Variants in OSBPL10 observed in about 807,000 individuals in gnomAD.
OSBPL10 encodes oxysterol-binding protein-related protein 10.
Under a neutral mutation model 81.7 loss-of-function variants are expected in OSBPL10, and 49 were observed. The observed-to-expected ratio is 0.60, with a 90% CI of 0.48 to 0.76. The LOEUF is 0.76. Among genes scored for constraint, OSBPL10 ranks in the 30% least tolerant of loss-of-function variants. The pLI, the probability that OSBPL10 is intolerant of heterozygous loss-of-function variation, is 0.00. For missense variants in OSBPL10, 923 were observed against 987.8 expected, an observed-to-expected ratio of 0.93 and a Z score of 0.88; for synonymous variants, 419 against 383.6, an observed-to-expected ratio of 1.09 and a Z score of -1.08.
intron 8 of OSBPL10, among the ~76,000 whole-genome samples, chr3:31,675,830 C>A (rs1700456416): frequency 1.3e-5 from 2 of 151,554 alleles, no homozygotes; most frequent in African/African-American, 4.9e-5. Context: ...CCTGTAGTCC[C>A]AGCTACTCGG....
At chr3:31,918,507 G>T (rs1696820470) in intron 1 of OSBPL10, among the ~76,000 whole-genome samples, 1 of 126,364 alleles carries the variant, frequency 7.9e-6, no homozygotes, top group African/African-American at 2.5e-5. Context: ...TAAAGAGTTT[G>T]GAATGGAAAA....
intron 7 of OSBPL10, among the ~76,000 whole-genome samples, chr3:31,695,587 T>C (rs186386673): frequency 8.5e-5 from 13 of 152,312 alleles, no homozygotes; most frequent in African/African-American, 3.1e-4. Context: ...AAGAAAACCT[T>C]AACTCTGTTT....
intron 6 of OSBPL10, among the ~76,000 whole-genome samples, chr3:31,716,393 C>T (rs1440056882): frequency 6.6e-6 from 1 of 152,146 alleles, no homozygotes; most frequent in Non-Finnish European, 1.5e-5. Flanking sequence ...CTTTTTCATC[C>T]TGTATAGCAA....
At chr3:31,819,294 A>G (rs999972193) in intron 4 of OSBPL10, among the ~76,000 whole-genome samples, 1 of 152,332 alleles carries the variant, frequency 6.6e-6, no homozygotes, top group African/African-American at 2.4e-5. Flanking sequence ...AGTTTGACAC[A>G]TCTGGGAATC....
At chr3:31,851,475 T>C (rs1700763171) in intron 3 of OSBPL10, among the ~76,000 whole-genome samples, 1 of 152,164 alleles carries the variant, frequency 6.6e-6, no homozygotes, top group Non-Finnish European at 1.5e-5. Flanking sequence ...GAGGCGCCGC[T>C]GTCGGTCCAC....
At chr3:31,862,460 CAAATGCAACAGTA>C (rs1701079598) in intron 3 of OSBPL10, among the ~76,000 whole-genome samples, 1 of 151,862 alleles carries the variant, frequency 6.6e-6, no homozygotes, top group Admixed American at 6.6e-5. Context: ...CTATCATGAA[CAAATGCAACAGTA>C]AAATGTAATG....
intron 4 of OSBPL10, among the ~76,000 whole-genome samples, chr3:31,823,211 C>A (rs1700021577): frequency 6.6e-6 from 1 of 152,192 alleles, no homozygotes; most frequent in South Asian, 2.1e-4. Context: ...ATACAATCCA[C>A]ATAGTTACCT....
chr3:31,707,119 T>C (rs1295492473), intron 6 of OSBPL10: 2 of 152,226 alleles, frequency 1.3e-5, no homozygotes, highest in African/African-American at 4.8e-5. Context: ...ACTGGTTAGA[T>C]TTGAGATATC....
intron 4 of OSBPL10, among the ~76,000 whole-genome samples, chr3:31,772,189 C>T (rs991705997): frequency 6.6e-6 from 1 of 152,212 alleles, no homozygotes; most frequent in African/African-American, 2.4e-5. Context: ...CTGGTCACAA[C>T]ATTTTTATCA....
At chr3:31,805,251 C>G (rs1699491952) in intron 4 of OSBPL10, among the ~76,000 whole-genome samples, 1 of 152,116 alleles carries the variant, frequency 6.6e-6, no homozygotes, top group Non-Finnish European at 1.5e-5. Context: ...TATGTTAACC[C>G]TTTCTGAGAA....
At chr3:31,878,190 A>G (rs1701527266) in intron 2 of OSBPL10, among the ~76,000 whole-genome samples, 1 of 152,236 alleles carries the variant, frequency 6.6e-6, no homozygotes, top group Admixed American at 6.5e-5. Flanking sequence ...TTAATAATCC[A>G]AAGGATATTA....
chr3:31,840,384 C>T (rs577961238), intron 3 of OSBPL10, among the ~76,000 whole-genome samples: 1 of 152,314 alleles, frequency 6.6e-6, no homozygotes, highest in African/African-American at 2.4e-5. Context: ...TGCTCAGGCA[C>T]AAAAATGCCA....
intron 1 of OSBPL10, among the ~76,000 whole-genome samples, chr3:31,971,470 G>C (rs1266368793): frequency 1.3e-5 from 2 of 152,098 alleles, no homozygotes; most frequent in African/African-American, 4.8e-5. Context: ...GCCACCCATT[G>C]TCCTAAACCC....
chr3:31,857,862 G>C (rs1382202342), intron 3 of OSBPL10, among the ~76,000 whole-genome samples: 1 of 122,500 alleles, frequency 8.2e-6, no homozygotes, highest in Non-Finnish European at 1.8e-5. Flanking sequence ...AAGAAGGAGG[G>C]AGAGGGAGAG....
chr3:31,921,692 C>A (rs2125706992), intron 1 of OSBPL10, among the ~76,000 whole-genome samples: 1 of 152,288 alleles, frequency 6.6e-6, no homozygotes, highest in East Asian at 1.9e-4. Context: ...ACCATTCCCT[C>A]AAGAAGGAGG....
intron 2 of OSBPL10, chr3:31,990,239 A>C (rs1426313994): frequency 1.2e-6 from 2 of 1,613,784 alleles, no homozygotes; most frequent in Non-Finnish European, 1.7e-6. Context: ...ACACTTATTC[A>C]CCATCAAGCA....
chr3:31,678,069 C>A (rs540857486), intron 8 of OSBPL10, among the ~76,000 whole-genome samples: 21 of 119,028 alleles, frequency 1.8e-4, no homozygotes, highest in Non-Finnish European at 2.7e-4. Flanking sequence ...GCCTGGGCGA[C>A]AGAGCGAGAC....
intron 4 of OSBPL10, among the ~76,000 whole-genome samples, chr3:31,785,008 C>T (rs1698826659): frequency 6.6e-6 from 1 of 152,100 alleles, no homozygotes; most frequent in South Asian, 2.1e-4. Context: ...CCTCAGCCTC[C>T]TGAGTAGCTG....
At chr3:31,828,491 A>G (rs1019100818) in intron 4 of OSBPL10, among the ~76,000 whole-genome samples, 3 of 152,218 alleles carry the variant, frequency 2.0e-5, no homozygotes, top group African/African-American at 4.8e-5. Flanking sequence ...ACAATCATTC[A>G]TCATATCAAC....
Sources: allele counts gnomAD v4.1 joint callset (sites outside exome capture counted in the v4.1 genomes callset), GRCh38; gene constraint gnomAD v4.1.1; transcripts MANE v1.5; gene names NCBI Gene and HGNC (gene_info 2026-07-23, HGNC 2026-07-21).